The following RIMS2 variants were observed in gnomAD, a reference collection of about 807,000 sequenced individuals.
RIMS2 encodes the protein regulating synaptic membrane exocytosis protein 2.
A neutral mutation model predicts 174.4 loss-of-function variants in RIMS2; 59 were observed. The ratio of observed to expected loss-of-function variants is 0.34; its 90% CI spans 0.27 to 0.42. The LOEUF (loss-of-function observed/expected upper bound fraction) is 0.42, where lower values mean the gene tolerates loss of function less well. RIMS2 is among the 10% of genes least tolerant of loss of function. RIMS2 has a pLI of 1.00. For missense variants in RIMS2, 1,620 were observed against 1,666.3 expected (o/e 0.97, Z 0.48); for synonymous variants, 606 against 572.5 (o/e 1.06, Z -0.84).
chr8:104,094,375 A>T, intron 19 of RIMS2: 1 of 559,170 alleles, frequency 1.8e-6, no homozygotes, highest in Non-Finnish European at 3.1e-6. Flanking sequence ...TTATGTTTTG[A>T]TAGTTTTTAT....
At chr8:103,698,636 A>G (rs1268729937) in intron 2 of RIMS2, among the ~76,000 whole-genome samples, 1 of 151,840 alleles carries the variant, frequency 6.6e-6, no homozygotes, top group East Asian at 1.9e-4. Context: ...AATGGATTTG[A>G]TTTGATCATT....
intron 14 of RIMS2, among the ~76,000 whole-genome samples, chr8:103,953,959 C>G (rs750536757): frequency 1.3e-5 from 2 of 152,034 alleles, no homozygotes; most frequent in African/African-American, 2.4e-5. Context: ...CAATCCTAGT[C>G]TCTGATGAAA....
intron 19 of RIMS2, among the ~76,000 whole-genome samples, chr8:104,044,142 G>A (rs950784264): frequency 2.6e-5 from 4 of 151,570 alleles, no homozygotes; most frequent in Non-Finnish European, 3.0e-5. Flanking sequence ...GGAAATGAAC[G>A]TTCTCTGATG....
At chr8:103,550,339 C>T (rs573729513) in intron 1 of RIMS2, among the ~76,000 whole-genome samples, 5 of 152,256 alleles carry the variant, frequency 3.3e-5, no homozygotes, top group African/African-American at 1.2e-4. Context: ...AATTGAACAA[C>T]CTGTCCTGAA....
chr8:104,214,434 C>G (rs1488285719), intron 19 of RIMS2, among the ~76,000 whole-genome samples: 2 of 152,052 alleles, frequency 1.3e-5, no homozygotes, highest in Admixed American at 6.6e-5. Flanking sequence ...ACAAGACAGA[C>G]AAACCCTTAT....
intron 1 of RIMS2, among the ~76,000 whole-genome samples, chr8:103,571,356 A>G (rs2092792616): frequency 6.6e-6 from 1 of 152,096 alleles, no homozygotes; most frequent in African/African-American, 2.4e-5. Context: ...CCTTTTTCCC[A>G]CCTTAACACA....
chr8:103,791,136 T>A (rs955490700), intron 3 of RIMS2, among the ~76,000 whole-genome samples: 79 of 152,102 alleles, frequency 5.2e-4, no homozygotes, highest in African/African-American at 1.5e-3. Context: ...TCACCAAAGT[T>A]GAAATGAAGG....
chr8:103,695,357 A>C (rs1371554172), intron 1 of RIMS2, among the ~76,000 whole-genome samples: 1 of 152,148 alleles, frequency 6.6e-6, no homozygotes, highest in African/African-American at 2.4e-5. Context: ...GATTTTTTTC[A>C]TAAAACCAGC....
At chr8:103,893,581 G>A (rs2099259928) in intron 4 of RIMS2, among the ~76,000 whole-genome samples, 1 of 151,990 alleles carries the variant, frequency 6.6e-6, no homozygotes, top group Non-Finnish European at 1.5e-5. Flanking sequence ...TCACTTTTCT[G>A]TATATCTCTT....
chr8:103,923,220 T>G (rs2078062621), intron 10 of RIMS2, among the ~76,000 whole-genome samples: 1 of 151,882 alleles, frequency 6.6e-6, no homozygotes, highest in Non-Finnish European at 1.5e-5. Context: ...CGTCCTTAAA[T>G]AATGTTTTTG....
At chr8:104,055,282 G>T (rs560416999) in intron 19 of RIMS2, among the ~76,000 whole-genome samples, 15 of 152,148 alleles carry the variant, frequency 9.9e-5, no homozygotes, top group African/African-American at 3.6e-4. Context: ...CATAAATTTA[G>T]ATCCCAGATA....
intron 19 of RIMS2, among the ~76,000 whole-genome samples, chr8:104,244,126 T>A (rs1413553565): frequency 1.3e-5 from 2 of 152,166 alleles, no homozygotes; most frequent in African/African-American, 4.8e-5. Context: ...AGATAGTACT[T>A]CCTATCTGTG....
At chr8:103,894,453 T>C (rs566234424) in intron 4 of RIMS2, among the ~76,000 whole-genome samples, 2 of 151,718 alleles carry the variant, frequency 1.3e-5, no homozygotes, top group Middle Eastern at 3.4e-3. Context: ...TATAATAAAA[T>C]GCCAAGCTTT....
intron 14 of RIMS2, among the ~76,000 whole-genome samples, chr8:103,951,703 G>C (rs1565489359): frequency 6.6e-6 from 1 of 152,140 alleles, no homozygotes; most frequent in Non-Finnish European, 1.5e-5. Flanking sequence ...CTAGCCACAG[G>C]AGTTTTGCTT....
chr8:103,840,036 G>T (rs2098930347), intron 3 of RIMS2, among the ~76,000 whole-genome samples: 1 of 152,132 alleles, frequency 6.6e-6, no homozygotes, highest in Admixed American at 6.6e-5. Context: ...CTAATGTGAA[G>T]CTTACCGCTT....
At chr8:103,920,649 G>T (rs2077432263) in intron 9 of RIMS2, 1 of 457,070 alleles carries the variant, frequency 2.2e-6, no homozygotes, top group South Asian at 1.5e-5. Flanking sequence ...GGTGTTGTAG[G>T]TTCACTGTGT....
At chr8:103,869,193 CT>C (rs758281100) in intron 3 of RIMS2, among the ~76,000 whole-genome samples, 2,972 of 131,176 alleles carry the variant, frequency 0.023, 46 homozygotes, top group African/African-American at 0.058. Context: ...ACCAGGAACA[CT>C]TTTTTTTTTT....
At chr8:103,682,420 T>A (rs1407172178) in intron 1 of RIMS2, among the ~76,000 whole-genome samples, 1 of 152,160 alleles carries the variant, frequency 6.6e-6, no homozygotes, top group Non-Finnish European at 1.5e-5. Context: ...CACATAGTTT[T>A]AAATATTGTT....
chr8:103,568,737 G>A, intron 1 of RIMS2: 1 of 987,908 alleles, frequency 1.0e-6, no homozygotes, highest in Non-Finnish European at 1.6e-6. Context: ...CTATAAAGCA[G>A]CTGTAGATTC....
Sources: gnomAD v4.1 joint callset for allele counts (sites outside exome capture counted in the v4.1 genomes callset) on GRCh38, gnomAD v4.1.1 for gene constraint, MANE v1.5 for transcripts, NCBI Gene and HGNC (gene_info 2026-07-23, HGNC 2026-07-21) for gene names.